Variants in CABLES1 observed in about 807,000 individuals in gnomAD.
CABLES1 encodes Cdk5 and Abl enzyme substrate 1.
A neutral mutation model predicts 57.8 loss-of-function variants in CABLES1; 36 were observed. The observed-to-expected ratio is 0.62, with a 90% CI of 0.48 to 0.82. The LOEUF (loss-of-function observed/expected upper bound fraction) is 0.82, where lower values mean the gene tolerates loss of function less well. Among genes scored for constraint, CABLES1 ranks in the 40% least tolerant of loss-of-function variants. The pLI is 0.00. For missense variants in CABLES1, 767 were observed against 836.6 expected (o/e 0.92, Z 1.03); for synonymous variants, 374 against 363.0 (o/e 1.03, Z -0.35).
rs1732443925 is a variant in CABLES1 at position 23,258,300 on chromosome 18, C to T, written c.*933C>T. On this transcript the variant is annotated 3_prime_UTR_variant, in exon 10 of 10. Transcript: ENST00000256925. Reference sequence around the variant, plus strand: ...TCTATGTTAGAGTGCATCAGAAGCACATTTACTGTGCTATCTATATCGCTA... The same window carrying T: ...TCTATGTTAGAGTGCATCAGAAGCATATTTACTGTGCTATCTATATCGCTA... 6.6e-6 allele frequency: 1 copy of T among 152,650 alleles called. No homozygotes were observed. Among genetic ancestry groups the T allele is most frequent in the Non-Finnish European group, 1.5e-5 (1 of 68,046 alleles). 9.5% of individuals were successfully genotyped at this position (152,650 alleles called of 1,614,324 possible). A position where few individuals can be genotyped will look rare whatever the true frequency, so the allele number is the denominator to read the frequency against.
intron 4 of CABLES1, among the ~76,000 whole-genome samples, chr18:23,220,516 G>A (rs187302935): frequency 6.6e-6 from 1 of 152,310 alleles, no homozygotes; most frequent in Non-Finnish European, 1.5e-5. Context: ...CTGCTGTGGA[G>A]CCGGTTCAGC....
chr18:23,210,042 C>T (rs962837613), intron 3 of CABLES1, among the ~76,000 whole-genome samples: 14 of 152,178 alleles, frequency 9.2e-5, no homozygotes, highest in African/African-American at 2.9e-4. Context: ...GAAAGCTGGA[C>T]GGTGCTCCGT....
At position 23,135,795 on chromosome 18, in the gene CABLES1, C is replaced by T; in HGVS notation, c.33C>T (p.Ala11=). Residue 11 remains alanine, a synonymous_variant, in exon 1 of 10, where the codon GCC becomes GCT. Coordinates refer to ENST00000256925, the MANE Select transcript of CABLES1 (RefSeq NM_001100619.3). MAAAAAAATT[A]ACSSGSAGTD... Reference sequence around the variant, plus strand: ...CGGCGGCGGCGGCCGCCACCACGGCCGCCTGCAGCAGCGGCAGCGCCGGCA... The same window carrying T: ...CGGCGGCGGCGGCCGCCACCACGGCTGCCTGCAGCAGCGGCAGCGCCGGCA... The T allele has an allele frequency of 1.0e-6, 1 of 979,586 alleles. No homozygotes were observed. Among genetic ancestry groups the T allele is most frequent in the Non-Finnish European group, 1.2e-6 (1 of 825,452 alleles). The allele number at this position is 979,586 out of a possible 1,614,324, so 60.7% of individuals were successfully genotyped here.
chr18:23,160,679 G>A (rs1366527234), intron 1 of CABLES1, among the ~76,000 whole-genome samples: 1 of 152,184 alleles, frequency 6.6e-6, no homozygotes, highest in African/African-American at 2.4e-5. Flanking sequence ...ACTCCCCTGT[G>A]TGGGAGGGGT....
chr18:23,174,200 A>G (rs543526457), intron 1 of CABLES1, among the ~76,000 whole-genome samples: 1 of 152,150 alleles, frequency 6.6e-6, no homozygotes. Context: ...TATAAGTAGA[A>G]TCATACACGA....
intron 7 of CABLES1, among the ~76,000 whole-genome samples, chr18:23,240,859 AAAGTG>A (rs2047719082): frequency 6.6e-6 from 1 of 151,744 alleles, no homozygotes; most frequent in Non-Finnish European, 1.5e-5. Context: ...AGCAGCTCTC[AAAGTG>A]ATGAGCTAAT....
chr18:23,243,222 G>GCTTATTCAGTT (rs1269267252), intron 7 of CABLES1, among the ~76,000 whole-genome samples: 1 of 152,006 alleles, frequency 6.6e-6, no homozygotes, highest in Non-Finnish European at 1.5e-5. Context: ...GGTGCCTGAG[G>GCTTATTCAGTT]CTTATTCAGT....
chr18:23,187,586 C>A (rs1429634275), intron 1 of CABLES1, among the ~76,000 whole-genome samples: 1 of 152,196 alleles, frequency 6.6e-6, no homozygotes, highest in Admixed American at 6.5e-5. Flanking sequence ...AGGGTTTCAC[C>A]ATGTTGGCCA....
intron 1 of CABLES1, among the ~76,000 whole-genome samples, chr18:23,183,498 G>A (rs895320769): frequency 4.6e-5 from 7 of 152,196 alleles, no homozygotes; most frequent in East Asian, 1.9e-4. Flanking sequence ...TAAAACAGGC[G>A]TGGGTGCTTT....
Position 23,253,041 on chromosome 18 carries a change from A to C in CABLES1, c.1528A>C (p.Lys510Gln), listed in dbSNP as rs1462239277. Residue 510 changes from lysine to glutamine, a missense_variant, in exon 8 of 10, where the codon AAG becomes CAG. By Grantham distance (53) the Lys-to-Gln change is moderately conservative (BLOSUM62 1). This residue lies in a region of CABLES1 where 529 missense variants were observed against 622.8 expected (regional missense o/e 0.85). Coordinates refer to ENST00000256925, the MANE Select transcript of CABLES1 (RefSeq NM_001100619.3). ...CTTCAAGGAGAAGTTTCCTCACATT[A>C]AGCTGACACTCAGCAAAATTAGGAG... ...ETFKEKFPHI[K>Q]LTLSKIRSLK... 1.2e-6 allele frequency: 2 copies of C among 1,613,024 alleles called. No homozygotes were observed. Among genetic ancestry groups the C allele is most frequent in the South Asian group, 2.2e-5 (2 of 91,064 alleles).
At chr18:23,252,257 T>C (rs1381282943) in intron 7 of CABLES1, among the ~76,000 whole-genome samples, 1 of 152,018 alleles carries the variant, frequency 6.6e-6, no homozygotes, top group Non-Finnish European at 1.5e-5. Flanking sequence ...AGTGTTTCAA[T>C]TGGGAAGATG....
chr18:23,135,285 G>A (rs1174247602), upstream of CABLES1, among the ~76,000 whole-genome samples: 1 of 152,050 alleles, frequency 6.6e-6, no homozygotes, highest in African/African-American at 2.4e-5. Context: ...CCCACCACCC[G>A]CTCGGCTCTC....
In CABLES1 at chr18:23,136,432, T is replaced by A; in HGVS notation, c.670T>A (p.Phe224Ile). 1 of 1,597,942 alleles carries A rather than the reference T, an allele frequency of 6.3e-7. No homozygotes were observed. Among genetic ancestry groups the A allele is most frequent in the Non-Finnish European group, 8.5e-7 (1 of 1,173,854 alleles). ...CAGCGTGCAGGTGCCGGCGGCCGCC[T>A]TTTTGGGCTCCGGGACCCCCGGGAG... Reference protein sequence around the residue: ...FISVQVPAAAFLGSGTPGSGS... With the variant: ...FISVQVPAAAILGSGTPGSGS... Residue 224 changes from phenylalanine (F) to isoleucine (I), a missense_variant, in exon 1 of 10, where the codon TTT becomes ATT. Physicochemically the swap from Phe to Ile is conservative, Grantham distance 21. Transcript: ENST00000256925.
At position 23,213,204 on chromosome 18, in the gene CABLES1, A is replaced by G. The variant is rs535865036; in HGVS notation, c.1011-773A>G. ...TCGAAAGAAAGGATGACAAAAGTAA[A>G]TAAGCTTCCCCATATGATGTGATAT... is the stretch of plus-strand genomic sequence containing the variant. On this transcript the variant is annotated intron_variant, in intron 3 of 9. Transcript: ENST00000256925. Among the ~76,000 whole-genome samples the G allele has an allele frequency of 5.9e-5, 9 of 152,336 alleles. No homozygotes were observed. The South Asian group carries it at 1.9e-3, about 32-fold the overall frequency.
chr18:23,224,414 C>A (rs1194286423), intron 4 of CABLES1, among the ~76,000 whole-genome samples: 1 of 152,114 alleles, frequency 6.6e-6, no homozygotes, highest in South Asian at 2.1e-4. Context: ...ACTAGCCTTA[C>A]TGACCCCAGC....
intron 1 of CABLES1, among the ~76,000 whole-genome samples, chr18:23,152,849 TG>T (rs1191214569): frequency 1.3e-5 from 2 of 151,988 alleles, no homozygotes; most frequent in African/African-American, 2.4e-5. Context: ...TTGCCCAGGC[TG>T]GAGTGCAATG....
chr18:23,173,643 A>G (rs1416698415), intron 1 of CABLES1, among the ~76,000 whole-genome samples: 1 of 152,344 alleles, frequency 6.6e-6, no homozygotes, highest in South Asian at 2.1e-4. Flanking sequence ...CTTTACTAAG[A>G]TATAATTTGC....
intron 7 of CABLES1, among the ~76,000 whole-genome samples, chr18:23,246,422 T>C (rs910394015): frequency 5.3e-5 from 8 of 152,062 alleles, no homozygotes; most frequent in Non-Finnish European, 8.8e-5. Flanking sequence ...GACGGAGTCT[T>C]GCTCTGTCGC....
In CABLES1 at chr18:23,136,601, G is replaced by C. The variant is rs750837884; in HGVS notation, c.839G>C (p.Arg280Thr). The C allele has an allele frequency of 6.9e-7, 1 of 1,440,476 alleles. No individual in the cohort carries two copies. Among genetic ancestry groups the C allele is most frequent in the Non-Finnish European group, 9.1e-7 (1 of 1,098,410 alleles). 89.2% of individuals were successfully genotyped at this position (1,440,476 alleles called of 1,614,324 possible). ...ACCAGCGCCTTCGAGCAGCTGCAGA[G>C]GTCCCGGTGAGTATCCGGGATGCGA... is the stretch of plus-strand genomic sequence containing the variant. ...GSTSAFEQLQ[R>T]SRRRLISQRS... is the part of the protein sequence containing the mutation. The change falls in exon 1 of 10, where the codon AGG (arginine) becomes ACG (threonine). Residue 280 changes from arginine to threonine, a missense_variant. This residue lies in a region of CABLES1 where 529 missense variants were observed against 622.8 expected (regional missense o/e 0.85). Transcript: ENST00000256925.
Sources: gnomAD v4.1 joint callset for allele counts (sites outside exome capture counted in the v4.1 genomes callset) on GRCh38, gnomAD v4.1.1 for gene constraint, gnomAD v4.1.1 regional missense constraint, MANE v1.5 for transcripts, NCBI Gene and HGNC (gene_info 2026-07-23, HGNC 2026-07-21) for gene names.